CFAP299: variants seen among roughly 807,000 people sequenced by gnomAD.
CFAP299 encodes the protein cilia- and flagella-associated protein 299.
In CFAP299, 21 loss-of-function variants were observed where a neutral mutation model predicts 27.0. That is an observed-to-expected ratio of 0.78 (90% CI 0.55 to 1.12). CFAP299 has a LOEUF of 1.12. CFAP299 is among the 50% of genes most tolerant of loss of function. The pLI is 0.00. For synonymous variants in CFAP299, 104 were observed against 98.1 expected (o/e 1.06, Z -0.36); for missense variants, 310 against 276.6 (o/e 1.12, Z -0.86).
intron 4 of CFAP299, among the ~76,000 whole-genome samples, chr4:80,875,552 T>G (rs989362958): frequency 1.4e-4 from 21 of 151,264 alleles, no homozygotes; most frequent in African/African-American, 4.4e-4. Context: ...TAATCCCAGC[T>G]ACTTGGGAGG....
intron 2 of CFAP299, among the ~76,000 whole-genome samples, chr4:80,492,220 G>A (rs199704789): frequency 1.2e-4 from 19 of 152,206 alleles, no homozygotes; most frequent in East Asian, 7.7e-4. Flanking sequence ...CCTCTCTAAC[G>A]TCTATAAAAC....
At position 80,876,966 on chromosome 4, in the gene CFAP299, G is replaced by T. The variant is rs370809327; in HGVS notation, c.476+6831G>T. The stretch of plus-strand genomic sequence containing the variant: ...CTTCCTTCTTTCATTGAGCTTGGCA[G>T]AAAACACCCCTTTGTACTTAACCAG... On this transcript the variant is annotated intron_variant, in intron 4 of 5. Coordinates refer to ENST00000358105, the MANE Select transcript of CFAP299 (RefSeq NM_152770.3). Among the ~76,000 whole-genome samples, 10 of 152,272 alleles carry T rather than the reference G, an allele frequency of 6.6e-5. No individual in the cohort carries two copies. In the East Asian group the frequency reaches 7.7e-4, roughly 12 times the overall value.
intron 3 of CFAP299, among the ~76,000 whole-genome samples, chr4:80,706,834 G>A (rs1348236635): frequency 6.6e-6 from 1 of 151,832 alleles, no homozygotes; most frequent in Non-Finnish European, 1.5e-5. Context: ...CTGCTCCTGA[G>A]CTTTAGTATA....
At chr4:80,954,751 G>C (rs1737965974) in intron 5 of CFAP299, among the ~76,000 whole-genome samples, 1 of 151,948 alleles carries the variant, frequency 6.6e-6, no homozygotes, top group South Asian at 2.1e-4. Flanking sequence ...TGTAATCCCA[G>C]CAGTTTAGGA....
the CFAP299 span, among the ~76,000 whole-genome samples, chr4:80,328,931 G>A: frequency 1.3e-5 from 2 of 152,040 alleles, no homozygotes; most frequent in Non-Finnish European, 2.9e-5. Context: ...CTATGGTATA[G>A]AATCAACTTT....
the CFAP299 span, among the ~76,000 whole-genome samples, chr4:80,326,073 C>T: frequency 6.6e-6 from 1 of 152,176 alleles, no homozygotes; most frequent in African/African-American, 2.4e-5. Flanking sequence ...GCATGTAAAG[C>T]AGTTCTTTCT....
At chr4:80,677,317 A>T (rs1047847335) in intron 3 of CFAP299, among the ~76,000 whole-genome samples, 15 of 151,958 alleles carry the variant, frequency 9.9e-5, no homozygotes, top group Admixed American at 9.2e-4. Context: ...AACATACTTG[A>T]TATGATTTAT....
intron 3 of CFAP299, among the ~76,000 whole-genome samples, chr4:80,652,750 A>G: frequency 6.6e-6 from 1 of 151,924 alleles, no homozygotes; most frequent in East Asian, 1.9e-4. Context: ...GTGCTCCCTC[A>G]TTCCTCTCTG....
At chr4:80,387,105 T>C (rs1725053999) in intron 2 of CFAP299, 7 of 1,445,002 alleles carry the variant, frequency 4.8e-6, no homozygotes, top group Admixed American at 3.4e-5. Context: ...CTCCAGGGCC[T>C]CTGGGGTGGA....
At chr4:80,443,610 A>C (rs1213721348) in intron 2 of CFAP299, among the ~76,000 whole-genome samples, 2 of 152,210 alleles carry the variant, frequency 1.3e-5, no homozygotes, top group Non-Finnish European at 2.9e-5. Context: ...ATTTCCTTTG[A>C]AAACCGGCAC....
At chr4:80,813,799 C>T (rs966849188) in intron 3 of CFAP299, among the ~76,000 whole-genome samples, 3 of 151,736 alleles carry the variant, frequency 2.0e-5, no homozygotes, top group Admixed American at 6.6e-5. Flanking sequence ...GATTGAAGGG[C>T]AAATCCTGAT....
chr4:80,708,719 G>C (rs2110034353), intron 3 of CFAP299, among the ~76,000 whole-genome samples: 1 of 152,090 alleles, frequency 6.6e-6, no homozygotes, highest in African/African-American at 2.4e-5. Context: ...AGCTCTCTCT[G>C]CTTATGACCA....
intron 3 of CFAP299, among the ~76,000 whole-genome samples, chr4:80,793,293 G>C (rs576630788): frequency 1.3e-5 from 2 of 152,126 alleles, no homozygotes; most frequent in South Asian, 4.2e-4. Context: ...TGTAGGCTGG[G>C]AGGCTAGGCC....
chr4:80,395,027 T>G (rs964364911), intron 2 of CFAP299, among the ~76,000 whole-genome samples: 13 of 152,226 alleles, frequency 8.5e-5, no homozygotes, highest in African/African-American at 2.9e-4. Flanking sequence ...TATGCACATT[T>G]TTGACAATAT....
At chr4:80,515,211 T>C (rs1448078982) in intron 2 of CFAP299, among the ~76,000 whole-genome samples, 1 of 152,158 alleles carries the variant, frequency 6.6e-6, no homozygotes, top group Non-Finnish European at 1.5e-5. Context: ...ATTTCTGGAA[T>C]TATGCAAGCA....
chr4:80,891,813 G>A (rs1578217138), intron 4 of CFAP299, among the ~76,000 whole-genome samples: 2 of 69,078 alleles, frequency 2.9e-5, no homozygotes, highest in African/African-American at 5.4e-5. Flanking sequence ...AAAGCTTTGA[G>A]AAGCCCTAGA....
At chr4:80,622,044 A>G (rs1211220000) in intron 3 of CFAP299, among the ~76,000 whole-genome samples, 1 of 152,180 alleles carries the variant, frequency 6.6e-6, no homozygotes, top group Non-Finnish European at 1.5e-5. Flanking sequence ...AGTTGAGATT[A>G]TAGTTGGGGT....
At chr4:80,763,048 C>T (rs545244952) in intron 3 of CFAP299, among the ~76,000 whole-genome samples, 8 of 152,136 alleles carry the variant, frequency 5.3e-5, no homozygotes, top group African/African-American at 1.9e-4. Flanking sequence ...TTCCAGCAAA[C>T]TCAGTCTATG....
chr4:80,442,835 A>G (rs1233963474), intron 2 of CFAP299, among the ~76,000 whole-genome samples: 2 of 152,178 alleles, frequency 1.3e-5, no homozygotes, highest in African/African-American at 4.8e-5. Flanking sequence ...AAATAGACAC[A>G]ATAAAAAAGA....
Sources: allele counts gnomAD v4.1 joint callset (sites outside exome capture counted in the v4.1 genomes callset), GRCh38; gene constraint gnomAD v4.1.1; transcripts MANE v1.5; gene names NCBI Gene and HGNC (gene_info 2026-07-23, HGNC 2026-07-21).